KIRREL1: variants seen among roughly 807,000 people sequenced by gnomAD.
KIRREL1 encodes kirre like nephrin family adhesion molecule 1.
Under a neutral mutation model 83.3 loss-of-function variants are expected in KIRREL1, and 25 were observed. That is an observed-to-expected ratio of 0.30 (90% CI 0.22 to 0.42). The LOEUF (loss-of-function observed/expected upper bound fraction) is 0.42, where lower values mean the gene tolerates loss of function less well. Ranked by LOEUF, KIRREL1 falls within the 10% of genes least tolerant of loss-of-function variation. The pLI, the probability that KIRREL1 is intolerant of heterozygous loss-of-function variation, is 1.00. For synonymous variants in KIRREL1, 388 were observed against 410.4 expected (o/e 0.95, Z 0.66); for missense variants, 812 against 1,032.3 (o/e 0.79, Z 2.92).
At position 158,096,712 on chromosome 1, in the gene KIRREL1, CA is replaced by C; in HGVS notation, c.*1595del. On this transcript the variant is annotated 3_prime_UTR_variant, in exon 15 of 15. Coordinates refer to ENST00000359209, the MANE Select transcript of KIRREL1 (RefSeq NM_018240.7). ...TGCTTCTCAGCCACCACTTTCTGAC[CA>C]AAGAGAACAGGCGCTCCAAGGAGAA... is the stretch of plus-strand genomic sequence containing the variant. 1 of 456,656 alleles carries C rather than the reference CA, an allele frequency of 2.2e-6. No individual in the cohort carries two copies. The highest frequency in any genetic ancestry group is 1.5e-5 in the South Asian group (1 of 64,562). The allele number at this position is 456,656 out of a possible 1,614,324, so 28.3% of individuals were successfully genotyped here. A position where few individuals can be genotyped will look rare whatever the true frequency, so the allele number is the denominator to read the frequency against.
chr1:158,078,998 C>T (rs954097244), intron 3 of KIRREL1, among the ~76,000 whole-genome samples: 2 of 152,150 alleles, frequency 1.3e-5, no homozygotes, highest in African/African-American at 2.4e-5. Flanking sequence ...CCAAGCCTCA[C>T]TCTTGCAATA....
chr1:158,048,387 A>G (rs1170657860), intron 1 of KIRREL1, among the ~76,000 whole-genome samples: 3 of 152,248 alleles, frequency 2.0e-5, no homozygotes, highest in Non-Finnish European at 4.4e-5. Context: ...CCAAGTGGCC[A>G]TGCTTAGCTG....
intron 1 of KIRREL1, among the ~76,000 whole-genome samples, chr1:158,028,278 G>C (rs1040017814): frequency 7.9e-5 from 12 of 152,212 alleles, no homozygotes; most frequent in African/African-American, 2.9e-4. Flanking sequence ...TCCTCAGGGT[G>C]TACCTTTGCA....
chr1:158,092,749 G>A (rs983131213), intron 11 of KIRREL1, among the ~76,000 whole-genome samples: 1 of 152,142 alleles, frequency 6.6e-6, no homozygotes, highest in Admixed American at 6.5e-5. Flanking sequence ...GATCTCAGAG[G>A]GGAAGAGCTA....
chr1:158,076,291 C>A, intron 2 of KIRREL1, 29 bp downstream of exon 2: 5 of 1,607,018 alleles, frequency 3.1e-6, no homozygotes, highest in Non-Finnish European at 2.6e-6. Flanking sequence ...AACGTCCAAA[C>A]TGTCCCATCT....
chr1:158,033,806 C>T (rs1368348082), intron 1 of KIRREL1, among the ~76,000 whole-genome samples: 4 of 151,840 alleles, frequency 2.6e-5, no homozygotes, highest in African/African-American at 4.8e-5. Context: ...ATGGTGAAAC[C>T]CCGTCTGTAC....
At chr1:158,074,226 C>T (rs1661604277) in intron 1 of KIRREL1, among the ~76,000 whole-genome samples, 1 of 152,206 alleles carries the variant, frequency 6.6e-6, no homozygotes, top group South Asian at 2.1e-4. Context: ...TGAGGAGCCA[C>T]TCATGGAGTA....
intron 1 of KIRREL1, among the ~76,000 whole-genome samples, chr1:158,071,166 T>G (rs1180977972): frequency 2.6e-5 from 4 of 152,186 alleles, no homozygotes; most frequent in Non-Finnish European, 4.4e-5. Context: ...CTTTTCTCTC[T>G]GGATTTCTGT....
intron 1 of KIRREL1, among the ~76,000 whole-genome samples, chr1:158,036,773 C>A (rs1234251531): frequency 6.6e-6 from 1 of 152,146 alleles, no homozygotes; most frequent in African/African-American, 2.4e-5. Flanking sequence ...TTATGGTTTT[C>A]ATCTTTTCTG....
At chr1:158,013,675 G>T (rs1415221326) in intron 1 of KIRREL1, among the ~76,000 whole-genome samples, 4 of 152,224 alleles carry the variant, frequency 2.6e-5, no homozygotes, top group Non-Finnish European at 5.9e-5. Flanking sequence ...AGAGCCACAA[G>T]TTCCACCTTA....
intron 1 of KIRREL1, among the ~76,000 whole-genome samples, chr1:158,010,393 G>GCA (rs1196299743): frequency 8.0e-4 from 10 of 12,570 alleles, no homozygotes; most frequent in East Asian, 2.1e-3. Context: ...TCACACACAT[G>GCA]CATACACACA....
chr1:158,034,006 G>T (rs1223831324), intron 1 of KIRREL1, among the ~76,000 whole-genome samples: 1 of 150,904 alleles, frequency 6.6e-6, no homozygotes, highest in East Asian at 2.0e-4. Flanking sequence ...GGGCGCGGTG[G>T]CTCACGCCTG....
Position 158,098,333 on chromosome 1 carries a change from C to G in KIRREL1, c.*3213C>G, listed in dbSNP as rs1662405413. The G allele has an allele frequency of 6.6e-6, 1 of 152,202 alleles. No homozygotes were observed. Among genetic ancestry groups the G allele is most frequent in the South Asian group, 2.1e-4 (1 of 4,834 alleles). The allele number at this position is 152,202 out of a possible 1,614,324, so 9.4% of individuals were successfully genotyped here. On this transcript the variant is annotated 3_prime_UTR_variant, in exon 15 of 15. Transcript: ENST00000359209. ...TATTGTTATGTGCCTAGGTTTCAGGCACTCCTTCTGTAGGGGAAAATGGGA... is the reference window on the plus strand; with the variant it reads ...TATTGTTATGTGCCTAGGTTTCAGGGACTCCTTCTGTAGGGGAAAATGGGA...
intron 1 of KIRREL1, among the ~76,000 whole-genome samples, chr1:158,060,681 C>T (rs1439249428): frequency 6.6e-6 from 1 of 152,192 alleles, no homozygotes; most frequent in Non-Finnish European, 1.5e-5. Context: ...GCAGATCCCT[C>T]AGAATTCCTG....
intron 2 of KIRREL1, 142 bp from the exon 3 acceptor site, chr1:158,077,849 C>A: frequency 1.1e-6 from 1 of 904,518 alleles, no homozygotes; most frequent in Non-Finnish European, 1.7e-6. Context: ...GGTGTCGTGG[C>A]ATCAGGTGTC....
chr1:158,081,678 C>T (rs572770092), intron 3 of KIRREL1, among the ~76,000 whole-genome samples: 4 of 152,146 alleles, frequency 2.6e-5, no homozygotes, highest in Non-Finnish European at 5.9e-5. Context: ...GCTCAGCAGG[C>T]ACCTTAACAG....
intron 1 of KIRREL1, among the ~76,000 whole-genome samples, chr1:158,005,222 A>G (rs767691068): frequency 1.4e-4 from 21 of 152,232 alleles, no homozygotes; most frequent in Non-Finnish European, 2.6e-4. Context: ...GAGAATCAAA[A>G]GAAAATAGAA....
At chr1:158,083,415 AC>A (rs1661923093) in intron 3 of KIRREL1, among the ~76,000 whole-genome samples, 1 of 152,212 alleles carries the variant, frequency 6.6e-6, no homozygotes, top group African/African-American at 2.4e-5. Flanking sequence ...TGGGATTTGA[AC>A]AGGATAGGAA....
At chr1:158,073,734 C>A (rs2101621656) in intron 1 of KIRREL1, among the ~76,000 whole-genome samples, 1 of 152,328 alleles carries the variant, frequency 6.6e-6, no homozygotes. Flanking sequence ...AAGGTCACAC[C>A]ACTCCTCATC....
Sources: gnomAD v4.1 joint callset for allele counts (sites outside exome capture counted in the v4.1 genomes callset) on GRCh38, gnomAD v4.1.1 for gene constraint, MANE v1.5 for transcripts, NCBI Gene and HGNC (gene_info 2026-07-23, HGNC 2026-07-21) for gene names.